P2RY8: variants seen among roughly 807,000 people sequenced by gnomAD.
The protein encoded by P2RY8 is P2Y receptor family member 8.
Under a neutral mutation model 10.0 loss-of-function variants are expected in P2RY8, and 6 were observed. The ratio of observed to expected loss-of-function variants is 0.60; its 90% CI spans 0.33 to 1.19. The LOEUF (loss-of-function observed/expected upper bound fraction) is 1.19, where lower values mean the gene tolerates loss of function less well. Among genes scored for constraint, P2RY8 ranks in the 50% most tolerant of loss-of-function variants. The pLI is 0.04. For missense variants in P2RY8, 456 were observed against 542.0 expected, an observed-to-expected ratio of 0.84 and a Z score of 1.58; for synonymous variants, 276 against 252.5, an observed-to-expected ratio of 1.09 and a Z score of -0.88.
chrX:1,493,362 AGG>A (rs2092075757), intron 1 of P2RY8, among the ~76,000 whole-genome samples: 3 of 13,816 alleles, frequency 2.2e-4, no homozygotes, highest in African/African-American at 5.5e-4. Flanking sequence ...AGGGGAGGGG[AGG>A]GGGAGGGAGG....
At chrX:1,474,597 TGG>T in intron 1 of P2RY8, among the ~76,000 whole-genome samples, 1 of 142,040 alleles carries the variant, frequency 7.0e-6, no homozygotes, top group Non-Finnish European at 1.5e-5. Context: ...GATGGATGGA[TGG>T]ATGGATGGAT....
Position 1,465,863 on chromosome X carries a change from C to T in P2RY8, c.696G>A (p.Arg232=), listed in dbSNP as rs1278703402. 1.2e-6 allele frequency: 2 copies of T among 1,612,396 alleles called. No individual in the cohort carries two copies. Among genetic ancestry groups the T allele is most frequent in the African/African-American group, 1.3e-5 (1 of 74,912 alleles). The change falls in exon 2 of 2, where the codon CGG becomes CGA. Residue 232 remains arginine, a synonymous_variant. Coordinates refer to ENST00000381297, the MANE Select transcript of P2RY8 (RefSeq NM_178129.5). ...RTEEAHGREQ[R]RRAVGLAAVV... ...CCGCGGCCAGGCCCACCGCGCGCCT[C>T]CGCTGCTCCCGGCCGTGCGCCTCCT...
Position 1,465,430 on chromosome X carries a change from C to G in P2RY8, c.*49G>C. On this transcript the variant is annotated 3_prime_UTR_variant, in exon 2 of 2. Transcript: ENST00000381297. ...GGCACCGTGGCCTCTCCATGCGCCC[C>G]TGGATCTCCAAGCTGCGCCCCCGGC... is the stretch of plus-strand genomic sequence containing the variant. The G allele has an allele frequency of 6.4e-7, 1 of 1,552,020 alleles. No homozygotes were observed. The highest frequency in any genetic ancestry group is 1.9e-5 in the Admixed American group (1 of 52,748).
At chrX:1,472,551 G>A (rs1265996674) in intron 1 of P2RY8, among the ~76,000 whole-genome samples, 2 of 144,728 alleles carry the variant, frequency 1.4e-5, no homozygotes, top group African/African-American at 5.2e-5. Flanking sequence ...TGGTAGGTGG[G>A]TTTGTGAATG....
chrX:1,491,268 G>A (rs1388696284), intron 1 of P2RY8, among the ~76,000 whole-genome samples: 2 of 152,170 alleles, frequency 1.3e-5, no homozygotes, highest in Non-Finnish European at 2.9e-5. Flanking sequence ...TTCTGCAAAT[G>A]TAGAGAGAAT....
intron 1 of P2RY8, among the ~76,000 whole-genome samples, chrX:1,521,435 G>A (rs2092390925): frequency 1.3e-5 from 2 of 151,970 alleles, no homozygotes; most frequent in African/African-American, 4.8e-5. Context: ...CCTCTCTTAT[G>A]GTCCACTGTA....
chrX:1,485,202 A>T (rs2091976009), intron 1 of P2RY8, among the ~76,000 whole-genome samples: 1 of 151,808 alleles, frequency 6.6e-6, no homozygotes, highest in Admixed American at 6.6e-5. Context: ...CAGTGGCTTC[A>T]TGGCGGCTCA....
intron 1 of P2RY8, among the ~76,000 whole-genome samples, chrX:1,524,625 T>C (rs868827423): frequency 0.45 from 7,252 of 16,200 alleles, 1,489 homozygotes; most frequent in East Asian, 0.76. Flanking sequence ...ATCCATCCAT[T>C]CATCCATCCA....
chrX:1,494,873 T>TTA (rs2092101367), intron 1 of P2RY8, among the ~76,000 whole-genome samples: 1 of 73,800 alleles, frequency 1.4e-5, no homozygotes, highest in African/African-American at 3.1e-5. Flanking sequence ...TGGCTAATTT[T>TTA]TTTTTTTTTT....
rs1485749759 is a variant in P2RY8 at position 1,493,434 on chromosome X, G to GGGAAGGA, written c.-24-26859_-24-26853dup. 7.9e-4 allele frequency among the ~76,000 whole-genome samples: 14 copies of GGGAAGGA among 17,710 alleles called. 1 individual carries two copies. The highest frequency in any genetic ancestry group is 1.1e-3 in the Non-Finnish European group (8 of 7,380). The allele number at this position is 17,710 out of a possible 152,430, so 11.6% of individuals were successfully genotyped here. On this transcript the variant is annotated intron_variant, in intron 1 of 1. Transcript: ENST00000381297. ...AGGAGGAAGGAGGAAGGAGGAGGGA[G>GGGAAGGA]GGAAGGAGGAGGAAGGAGGAAGGAG...
Position 1,465,606 on chromosome X carries a change from A to G in P2RY8, c.953T>C (p.Leu318Pro), listed in dbSNP as rs2091657671. 1 of 1,613,142 alleles carries G rather than the reference A, an allele frequency of 6.2e-7. No homozygotes were observed. Among genetic ancestry groups the G allele is most frequent in the Non-Finnish European group, 8.5e-7 (1 of 1,179,808 alleles). Residue 318 changes from leucine to proline, a missense_variant, in exon 2 of 2, where the codon CTG becomes CCG. Physicochemically the swap from Leu to Pro is moderately conservative, Grantham distance 98 (BLOSUM62 -3). Transcript: ENST00000381297. The part of the protein sequence containing the change: ...LGCRRVPRDT[L>P]DTRRESLFSA... Reference sequence around the variant, plus strand: ...GAAGAGGCTCTCGCGGCGCGTGTCCAGGGTGTCTCTGGGCACCCGGCGGCA... The same window carrying G: ...GAAGAGGCTCTCGCGGCGCGTGTCCGGGGTGTCTCTGGGCACCCGGCGGCA...
At chrX:1,514,739 T>TC (rs762303526) in intron 1 of P2RY8, among the ~76,000 whole-genome samples, 1,055 of 6,188 alleles carry the variant, frequency 0.17, 484 homozygotes, top group East Asian at 0.9. Flanking sequence ...TTCCTTCCCT[T>TC]CCTTCCCTTC....
chrX:1,521,441 C>A (rs1411987433), intron 1 of P2RY8, among the ~76,000 whole-genome samples: 27 of 152,154 alleles, frequency 1.8e-4, no homozygotes, highest in Non-Finnish European at 3.1e-4. Flanking sequence ...TTATGGTCCA[C>A]TGTAATCCTT....
chrX:1,509,751 G>GTATCTATCTGTCTA (rs1481742595), intron 1 of P2RY8, among the ~76,000 whole-genome samples: 1 of 78,234 alleles, frequency 1.3e-5, no homozygotes, highest in African/African-American at 5.9e-5. Flanking sequence ...GTATCTATCT[G>GTATCTATCTGTCTA]TCTATCTATC....
At chrX:1,519,711 TCTGGTTACCAATCATCTCC>T (rs1397655495) in intron 1 of P2RY8, among the ~76,000 whole-genome samples, 2 of 152,068 alleles carry the variant, frequency 1.3e-5, no homozygotes, top group Non-Finnish European at 2.9e-5. Flanking sequence ...TAATCATCTC[TCTGGTTACCAATCATCTCC>T]CTGGTCCCCA....
chrX:1,510,887 A>G (rs1170746993), intron 1 of P2RY8, among the ~76,000 whole-genome samples: 2 of 149,516 alleles, frequency 1.3e-5, no homozygotes, highest in African/African-American at 2.5e-5. Flanking sequence ...TCAAAAAGAA[A>G]AAGAAAAGAG....
chrX:1,474,969 G>T (rs1221277061), intron 1 of P2RY8, among the ~76,000 whole-genome samples: 1 of 147,928 alleles, frequency 6.8e-6, no homozygotes, highest in Non-Finnish European at 1.5e-5. Flanking sequence ...TGGATGGATG[G>T]GTGGACAGAT....
intron 1 of P2RY8, among the ~76,000 whole-genome samples, chrX:1,518,591 G>C (rs1381586849): frequency 6.6e-6 from 1 of 151,098 alleles, no homozygotes; most frequent in African/African-American, 2.4e-5. Context: ...TAATATTCTT[G>C]CTGGGCCCAA....
chrX:1,514,999 G>C (rs1427778045), intron 1 of P2RY8, among the ~76,000 whole-genome samples: 33 of 148,930 alleles, frequency 2.2e-4, no homozygotes, highest in Middle Eastern at 3.4e-3. Context: ...AGCCTCCCTG[G>C]TTCAAGCAAT....
Sources: gnomAD v4.1 joint callset for allele counts (sites outside exome capture counted in the v4.1 genomes callset) on GRCh38, gnomAD v4.1.1 for gene constraint, MANE v1.5 for transcripts, NCBI Gene and HGNC (gene_info 2026-07-23, HGNC 2026-07-21) for gene names.